ADGRG1: variants seen among roughly 807,000 people sequenced by gnomAD.
ADGRG1 encodes the protein adhesion G protein-coupled receptor G1, also known as 7-transmembrane protein with no EGF-like N-terminal domains-1.
ADGRG1 carries 53 observed loss-of-function variants against 73.5 expected under a neutral mutation model. The ratio of observed to expected loss-of-function variants is 0.72; its 90% CI spans 0.58 to 0.91. ADGRG1 has a LOEUF of 0.91. Ranked by LOEUF, ADGRG1 falls within the 40% of genes least tolerant of loss-of-function variation. ADGRG1 has a pLI of 0.00. For missense variants in ADGRG1, 795 were observed against 871.8 expected (o/e 0.91, Z 1.11); for synonymous variants, 394 against 374.4 (o/e 1.05, Z -0.60).
chr16:57,628,903 T>C lies in ADGRG1; in HGVS notation c.-36+101T>C, dbSNP rs370242964. Reference sequence around the variant, plus strand: ...GTGTGTGAGAGTGTGAGTGTGTGAGTGTGAGTGTGTGAGAGTGAGTGTGAG... The same window carrying C: ...GTGTGTGAGAGTGTGAGTGTGTGAGCGTGAGTGTGTGAGAGTGAGTGTGAG... On this transcript the variant is annotated intron_variant, in intron 1 of 13. Coordinates refer to ENST00000562631, the MANE Select transcript of ADGRG1 (RefSeq NM_201525.4). 208 of 845,188 alleles carry C rather than the reference T, an allele frequency of 2.5e-4. 4 individuals carry two copies. The highest frequency in any genetic ancestry group is 2.6e-4 in the Non-Finnish European group (189 of 725,186). The allele number at this position is 845,188 out of a possible 1,614,324, so 52.4% of individuals were successfully genotyped here.
intron 1 of ADGRG1, chr16:57,636,497 C>T (rs2039402793): frequency 1.0e-6 from 1 of 985,318 alleles, no homozygotes; most frequent in African/African-American, 1.7e-5. Context: ...GGTGTGTGTG[C>T]TCCTGATCCT....
upstream of ADGRG1, chr16:57,624,668 C>T (rs925671294): frequency 1.3e-5 from 13 of 965,932 alleles, no homozygotes; most frequent in Non-Finnish European, 1.6e-5. Flanking sequence ...TCCTAGCCCT[C>T]CCAGCCCCAC....
rs1029348152 is a variant in ADGRG1, at chr16:57,652,594, A to G, written c.488-609A>G. The G allele has an allele frequency of 3.0e-6, 3 of 983,802 alleles. No homozygotes were observed. The African/African-American group carries it at 5.2e-5, about 17-fold the overall frequency. The allele number at this position is 983,802 out of a possible 1,614,324, so 60.9% of individuals were successfully genotyped here. On this transcript the variant is annotated intron_variant, in intron 3 of 13. Coordinates refer to ENST00000562631, the MANE Select transcript of ADGRG1 (RefSeq NM_201525.4). ...TTGTTTGGCCTGTAGAGGGTTTTTA[A>G]AAAACATGGACCAGGGATTTCAAAT...
In ADGRG1 at chr16:57,663,762, G is replaced by A. The variant is rs1015304060; in HGVS notation, c.*180G>A. 7.3e-6 allele frequency: 5 copies of A among 689,566 alleles called. No homozygotes were observed. The highest frequency in any genetic ancestry group is 5.4e-5 in the African/African-American group (3 of 56,072). 42.7% of individuals were successfully genotyped at this position (689,566 alleles called of 1,614,324 possible). The stretch of plus-strand genomic sequence containing the variant: ...GACTCCCGGGCTGGGCTTTTGAATT[G>A]GCCTTGGGGACTACTCGGCTCTCAC... On this transcript the variant is annotated 3_prime_UTR_variant, in exon 14 of 14. Transcript: ENST00000562631.
Position 57,654,202 on chromosome 16 carries a change from A to G in ADGRG1, c.768+69A>G. On this transcript the variant is annotated intron_variant, in intron 5 of 13. Coordinates refer to ENST00000562631, the MANE Select transcript of ADGRG1 (RefSeq NM_201525.4). ...GGGCCAGATGGAGGTGGGGGCTGTG[A>G]GCACTCCCTGAAGCTCAGTGCCGTC... is the stretch of plus-strand genomic sequence containing the variant. The G allele has an allele frequency of 2.0e-6, 3 of 1,504,774 alleles. No individual in the cohort carries two copies. The East Asian group carries it at 6.8e-5, about 34-fold the overall frequency. The allele number at this position is 1,504,774 out of a possible 1,614,324, so 93.2% of individuals were successfully genotyped here.
chr16:57,636,683 C>A (rs1202562559), intron 1 of ADGRG1: 1 of 985,062 alleles, frequency 1.0e-6, no homozygotes, highest in Non-Finnish European at 1.2e-6. Flanking sequence ...GTGGAGCCTG[C>A]CTGCCCTGGG....
rs375495959 is a variant in ADGRG1, at chr16:57,659,455, G to A, written c.1329G>A (p.Leu443=). 5.0e-6 allele frequency: 8 copies of A among 1,613,874 alleles called. No individual in the cohort carries two copies. In the South Asian group the frequency reaches 7.7e-5, roughly 16 times the overall value. The change falls in exon 11 of 14, where the codon CTG becomes CTA. Residue 443 remains leucine, a synonymous_variant. Coordinates refer to ENST00000562631, the MANE Select transcript of ADGRG1 (RefSeq NM_201525.4). ...RDYTIKVHMN[L]LLAVFLLDTS... is the part of the protein sequence containing the mutation. ...ACACCATCAAGGTGCACATGAACCTGCTGCTGGCCGTCTTCCTGCTGGACA... is the reference window on the plus strand; with the variant it reads ...ACACCATCAAGGTGCACATGAACCTACTGCTGGCCGTCTTCCTGCTGGACA...
chr16:57,657,221 C>T lies in ADGRG1; in HGVS notation c.1168-152C>T, dbSNP rs2045945546. The T allele has an allele frequency of 3.7e-6, 4 of 1,069,060 alleles. No individual in the cohort carries two copies. The Admixed American group carries it at 9.6e-5, about 26-fold the overall frequency. The allele number at this position is 1,069,060 out of a possible 1,614,324, so 66.2% of individuals were successfully genotyped here. A position where few individuals can be genotyped will look rare whatever the true frequency, so the allele number is the denominator to read the frequency against. On this transcript the variant is annotated intron_variant, in intron 9 of 13. Transcript: ENST00000562631. ...AAGATGCCCCCACTCCAGAAAAATG[C>T]ACTTATGGGACCACATTCTGCTCAG...
chr16:57,662,936 G>T, intron 13 of ADGRG1: 2 of 985,388 alleles, frequency 2.0e-6, no homozygotes, highest in Non-Finnish European at 2.4e-6. Flanking sequence ...GGGAGTTGGT[G>T]GTGGGGAGAT....
Position 57,653,306 on chromosome 16 carries a change from A to G in ADGRG1, c.591A>G (p.Ser197=). 6.2e-7 allele frequency: 1 copy of G among 1,611,828 alleles called. No homozygotes were observed. ...TCCTGAAGCATCCCCAGAAGGCCTCAAGGAGGCCCTCGGCTGCCCCCGCCA... is the reference window on the plus strand; with the variant it reads ...TCCTGAAGCATCCCCAGAAGGCCTCGAGGAGGCCCTCGGCTGCCCCCGCCA... ...SQFLKHPQKA[S]RRPSAAPASQ... The change falls in exon 4 of 14, where the codon TCA becomes TCG. Residue 197 remains serine (S), a synonymous_variant. Coordinates refer to ENST00000562631, the MANE Select transcript of ADGRG1 (RefSeq NM_201525.4).
rs773529889 is a variant in ADGRG1 at position 57,660,846 on chromosome 16, G to C, written c.1634G>C (p.Arg545Thr). Residue 545 changes from arginine (R) to threonine (T), a missense_variant, in exon 12 of 14, where the codon AGG becomes ACG. Arg to Thr is a moderately conservative substitution (Grantham distance 71). Transcript: ENST00000562631. ...GGCCCCATCATCTTGGCTGTGCATA[G>C]GACTCCAGAGGGCGTCATCTACCCT... The part of the protein sequence containing the change: ...NYGPIILAVH[R>T]TPEGVIYPSM... 1 of 1,606,910 alleles carries C rather than the reference G, an allele frequency of 6.2e-7. No homozygotes were observed.
Position 57,640,983 on chromosome 16 carries a change from T to G in ADGRG1, c.-35-9270T>G, listed in dbSNP as rs540288903. ...CTCAGCCAGACAACTGAGGTCCGGC[T>G]GTGGTTTGAGAGGGAAGACAGTCTA... On this transcript the variant is annotated intron_variant, in intron 1 of 13. Coordinates refer to ENST00000562631, the MANE Select transcript of ADGRG1 (RefSeq NM_201525.4). 1.6e-5 allele frequency: 16 copies of G among 985,450 alleles called. No individual in the cohort carries two copies. In the East Asian group the frequency reaches 3.4e-4, roughly 21 times the overall value. 61.0% of individuals were successfully genotyped at this position (985,450 alleles called of 1,614,324 possible).
At chr16:57,660,675 A>G in intron 11 of ADGRG1, 93 bp from the exon 12 acceptor site, 1 of 1,516,604 alleles carries the variant, frequency 6.6e-7, no homozygotes, top group East Asian at 2.4e-5. Flanking sequence ...CAAACTTCAG[A>G]GGGGCCCTTG....
At chr16:57,655,362 G>T (rs761425579) in intron 5 of ADGRG1, 37 bp from the exon 6 acceptor site, 15 of 1,608,550 alleles carry the variant, frequency 9.3e-6, no homozygotes, top group South Asian at 2.2e-5. Context: ...GGATCTAGGG[G>T]TCCGCATTTG....
chr16:57,620,164 G>C (rs1192274991), upstream of ADGRG1: 2 of 152,364 alleles, frequency 1.3e-5, no homozygotes, highest in African/African-American at 4.8e-5. Context: ...GACAGGGGTG[G>C]GAAAGATAAG....
chr16:57,653,153 T>C (rs1192253012), intron 3 of ADGRG1, 50 bp from the exon 4 acceptor site: 2 of 1,600,530 alleles, frequency 1.2e-6, no homozygotes, highest in Admixed American at 1.7e-5. Context: ...GGGAGGGTCC[T>C]GGGACCTGAA....
At chr16:57,650,383 G>A (rs774080404) in intron 2 of ADGRG1, 32 bp downstream of exon 2, 2 of 1,607,456 alleles carry the variant, frequency 1.2e-6, no homozygotes, top group Admixed American at 3.3e-5. Context: ...CTGGGCTGTT[G>A]GAACTTACGT....
intron 1 of ADGRG1, chr16:57,644,238 T>A: frequency 1.0e-6 from 1 of 955,896 alleles, no homozygotes; most frequent in Non-Finnish European, 1.2e-6. Flanking sequence ...GCACACACAC[T>A]CATGCACACA....
chr16:57,648,841 G>A (rs755959850), intron 1 of ADGRG1: 11 of 323,018 alleles, frequency 3.4e-5, no homozygotes, highest in Non-Finnish European at 4.9e-5. Context: ...CAAGTGCCAG[G>A]GCCACAGGTT....
Sources: allele counts gnomAD v4.1 joint callset, GRCh38; gene constraint gnomAD v4.1.1; transcripts MANE v1.5; gene names NCBI Gene and HGNC (gene_info 2026-07-23, HGNC 2026-07-21).